RBL1: variants seen among roughly 807,000 people sequenced by gnomAD.
RBL1 encodes the protein RB transcriptional corepressor like 1.
In RBL1, 82 loss-of-function variants were observed where a neutral mutation model predicts 123.0. The ratio of observed to expected loss-of-function variants is 0.67; its 90% CI spans 0.56 to 0.80. RBL1 has a LOEUF of 0.80. RBL1 is among the 30% of genes least tolerant of loss of function. The pLI, the probability that RBL1 is intolerant of heterozygous loss-of-function variation, is 0.00. For synonymous variants in RBL1, 405 were observed against 441.3 expected (o/e 0.92, Z 1.03); for missense variants, 1,171 against 1,299.6 (o/e 0.90, Z 1.52).
chr20:37,055,876 C>T (rs909153069), intron 10 of RBL1, among the ~76,000 whole-genome samples: 1 of 151,974 alleles, frequency 6.6e-6, no homozygotes, highest in East Asian at 1.9e-4. Context: ...TGGTGAAACT[C>T]CATCTCTACT....
At chr20:37,088,951 G>A (rs141401264) in intron 2 of RBL1, 38 bp downstream of exon 2, 15,803 of 1,360,964 alleles carry the variant, frequency 0.012, 126 homozygotes, top group Non-Finnish European at 0.014. Context: ...CCAAAATTTA[G>A]AGCTTATATA....
At chr20:37,091,610 G>A (rs1231142838) in intron 1 of RBL1, among the ~76,000 whole-genome samples, 1 of 149,914 alleles carries the variant, frequency 6.7e-6, no homozygotes, top group African/African-American at 2.5e-5. Context: ...AGGCTGCAGT[G>A]AGCTGTGACT....
At chr20:37,065,535 G>A (rs191508779) in intron 6 of RBL1, 62 bp from the exon 7 acceptor site, 105 of 1,085,134 alleles carry the variant, frequency 9.7e-5, no homozygotes, top group Admixed American at 3.0e-4. Context: ...ACACACAAAC[G>A]TGAAATTTAT....
chr20:37,000,769 C>CGG (rs557315083), intron 21 of RBL1, among the ~76,000 whole-genome samples: 135 of 83,832 alleles, frequency 1.6e-3, no homozygotes, highest in African/African-American at 6.0e-3. Context: ...AGGAGGGAGG[C>CGG]GGGGGGGTCA....
At chr20:37,055,053 T>C (rs540496064) in intron 11 of RBL1, among the ~76,000 whole-genome samples, 51 of 152,076 alleles carry the variant, frequency 3.4e-4, no homozygotes, top group African/African-American at 1.2e-3. Flanking sequence ...GTTAGAAGAC[T>C]CCAAGAGTGA....
intron 19 of RBL1, among the ~76,000 whole-genome samples, chr20:37,017,010 G>A (rs1002207207): frequency 3.3e-5 from 5 of 151,818 alleles, no homozygotes; most frequent in South Asian, 2.1e-4. Flanking sequence ...AAGACGAGAC[G>A]AGACGAGACA....
intron 19 of RBL1, among the ~76,000 whole-genome samples, chr20:37,010,472 T>C (rs568982566): frequency 6.6e-6 from 1 of 150,662 alleles, no homozygotes; most frequent in Non-Finnish European, 1.5e-5. Context: ...GTTGAAATGA[T>C]TTTGTCATGA....
intron 7 of RBL1, among the ~76,000 whole-genome samples, chr20:37,064,867 C>T (rs181647045): frequency 1.4e-4 from 22 of 152,044 alleles, no homozygotes; most frequent in African/African-American, 5.3e-4. Flanking sequence ...CTCAAGTGAT[C>T]GGCCCGCCTT....
In RBL1 at chr20:36,997,400, A is replaced by C. The variant is rs1234155832; in HGVS notation, c.*1359T>G. On this transcript the variant is annotated 3_prime_UTR_variant, in exon 22 of 22. Coordinates refer to ENST00000373664, the MANE Select transcript of RBL1 (RefSeq NM_002895.5). ...AGTACTAAAAAACATCTTCAGGAGT[A>C]CCCAGTGGTCAAACACTAGCAGGAA... The C allele has an allele frequency of 6.6e-6, 1 of 152,196 alleles. No homozygotes were observed. The highest frequency in any genetic ancestry group is 2.4e-5 in the African/African-American group (1 of 41,458). The allele number at this position is 152,196 out of a possible 1,614,324, so 9.4% of individuals were successfully genotyped here.
At chr20:37,003,125 C>T (rs994439760) in intron 21 of RBL1, among the ~76,000 whole-genome samples, 3 of 152,198 alleles carry the variant, frequency 2.0e-5, no homozygotes, top group Non-Finnish European at 4.4e-5. Flanking sequence ...TGTATTTGGA[C>T]AGAGTTACAA....
chr20:37,043,459 C>G (rs2064767171), intron 13 of RBL1, among the ~76,000 whole-genome samples: 1 of 151,160 alleles, frequency 6.6e-6, no homozygotes, highest in Admixed American at 6.6e-5. Context: ...CCACTGCTCT[C>G]CAGCCTGGGT....
chr20:37,025,929 G>A (rs780398050), intron 16 of RBL1, among the ~76,000 whole-genome samples: 10 of 152,046 alleles, frequency 6.6e-5, no homozygotes, highest in Admixed American at 1.3e-4. Flanking sequence ...ATTTTAAGTA[G>A]AGATGGGGTT....
intron 12 of RBL1, among the ~76,000 whole-genome samples, chr20:37,046,026 G>A (rs1286849649): frequency 6.6e-6 from 1 of 152,218 alleles, no homozygotes; most frequent in Non-Finnish European, 1.5e-5. Context: ...GGGTGATGAT[G>A]TAGTTCAATA....
chr20:37,058,115 T>TAAAA (rs766773271), intron 9 of RBL1, among the ~76,000 whole-genome samples: 2,032 of 77,986 alleles, frequency 0.026, 95 homozygotes, highest in East Asian at 0.084. Flanking sequence ...AAACTCTGTC[T>TAAAA]AAAAAAAAAA....
chr20:37,091,315 G>A (rs6031319), intron 1 of RBL1, among the ~76,000 whole-genome samples: 1,584 of 151,356 alleles, frequency 0.01, 10 homozygotes, highest in African/African-American at 0.02. Context: ...CCGAGATCAC[G>A]CCACTGCACT....
intron 2 of RBL1, among the ~76,000 whole-genome samples, chr20:37,070,139 G>A (rs2065261477): frequency 6.6e-6 from 1 of 152,210 alleles, no homozygotes; most frequent in African/African-American, 2.4e-5. Context: ...AACTTCTTCT[G>A]CCGTGGGATC....
At chr20:37,035,961 T>A (rs538761766) in intron 14 of RBL1, among the ~76,000 whole-genome samples, 1 of 152,364 alleles carries the variant, frequency 6.6e-6, no homozygotes, top group Admixed American at 6.5e-5. Context: ...TAGCTCTGGC[T>A]TTCTAATTTA....
At chr20:36,998,954 T>C (rs369373759) in intron 21 of RBL1, 25 bp from the exon 22 acceptor site, 104 of 1,594,836 alleles carry the variant, frequency 6.5e-5, no homozygotes, top group Middle Eastern at 3.3e-4. Context: ...AGAACGTGTG[T>C]GAGTAAAAGA....
intron 11 of RBL1, among the ~76,000 whole-genome samples, chr20:37,050,544 CAA>C (rs148834732): frequency 8.6e-3 from 94 of 10,914 alleles, no homozygotes; most frequent in African/African-American, 0.032. Context: ...GACTCTGTCT[CAA>C]AAAAAAAAAA....
Sources: gnomAD v4.1 joint callset for allele counts (sites outside exome capture counted in the v4.1 genomes callset) on GRCh38, gnomAD v4.1.1 for gene constraint, MANE v1.5 for transcripts, NCBI Gene and HGNC (gene_info 2026-07-23, HGNC 2026-07-21) for gene names.